UNC80: variants seen among roughly 807,000 people sequenced by gnomAD.
UNC80 encodes unc-80 subunit of NALCN channel complex, also known as protein unc-80 homolog.
A neutral mutation model predicts 384.6 loss-of-function variants in UNC80; 164 were observed. The ratio of observed to expected loss-of-function variants is 0.43; its 90% CI spans 0.38 to 0.49. UNC80 has a LOEUF of 0.49. Among genes scored for constraint, UNC80 ranks in the 20% least tolerant of loss-of-function variants. The pLI is 0.00. For missense variants in UNC80, 3,330 were observed against 4,143.0 expected (o/e 0.80, Z 5.39); for synonymous variants, 1,486 against 1,527.8 (o/e 0.97, Z 0.64).
intron 14 of UNC80, among the ~76,000 whole-genome samples, chr2:209,827,227 T>G (rs1157757636): frequency 6.6e-6 from 1 of 152,144 alleles, no homozygotes; most frequent in Non-Finnish European, 1.5e-5. Flanking sequence ...ATTTTTTATC[T>G]TTGATTTTAA....
chr2:209,972,306 G>C lies in UNC80; in HGVS notation c.8362G>C (p.Val2788Leu). Residue 2788 changes from valine to leucine, a missense_variant, in exon 55 of 65, where the codon GTA (valine) becomes CTA (leucine). Physicochemically the swap from Val to Leu is conservative, Grantham distance 32. Coordinates refer to ENST00000673920, the MANE Select transcript of UNC80 (RefSeq NM_001371986.1). ...TCTGCTCATCCCATTTGTGCTCACA[G>C]TAGGATCTGGAAGCAAAGGTCTGAT... ...LNLLIPFVLT[V>L]GSGSKDSPWL... 1 of 1,551,638 alleles carries C rather than the reference G, an allele frequency of 6.4e-7. No individual in the cohort carries two copies. The highest frequency in any genetic ancestry group is 8.7e-7 in the Non-Finnish European group (1 of 1,146,838).
chr2:209,865,349 T>A (rs1402676408), intron 22 of UNC80, among the ~76,000 whole-genome samples: 1 of 152,120 alleles, frequency 6.6e-6, no homozygotes, highest in African/African-American at 2.4e-5. Context: ...ATGCCTGTAA[T>A]CCCAGCACTT....
intron 7 of UNC80, among the ~76,000 whole-genome samples, chr2:209,805,985 A>T (rs914085361): frequency 6.6e-6 from 1 of 152,124 alleles, no homozygotes; most frequent in Admixed American, 6.5e-5. Flanking sequence ...TTCTGTACAT[A>T]TTTTTTCACA....
intron 21 of UNC80, among the ~76,000 whole-genome samples, chr2:209,845,649 A>C (rs1355615373): frequency 6.6e-6 from 1 of 152,322 alleles, no homozygotes; most frequent in South Asian, 2.1e-4. Context: ...ACAAAGCCAT[A>C]ATATTTGAGA....
intron 4 of UNC80, among the ~76,000 whole-genome samples, chr2:209,779,436 A>T (rs997854010): frequency 1.3e-5 from 2 of 152,194 alleles, no homozygotes; most frequent in African/African-American, 4.8e-5. Context: ...CACTTCAGAA[A>T]GTACTTCCCT....
At chr2:209,887,529 A>G (rs1431436404) in intron 25 of UNC80, among the ~76,000 whole-genome samples, 1 of 152,126 alleles carries the variant, frequency 6.6e-6, no homozygotes, top group Non-Finnish European at 1.5e-5. Context: ...CCTTGTTGCC[A>G]TGTAAGGCAA....
chr2:209,860,224 G>A (rs542324566), intron 22 of UNC80, among the ~76,000 whole-genome samples: 3 of 152,186 alleles, frequency 2.0e-5, no homozygotes, highest in Non-Finnish European at 4.4e-5. Flanking sequence ...TAAGGAAGGC[G>A]TCCAGTTTCA....
At chr2:209,982,638 C>T in intron 60 of UNC80, 1 of 208,176 alleles carries the variant, frequency 4.8e-6, no homozygotes, top group Non-Finnish European at 9.7e-6. Context: ...ATGATGGGTA[C>T]TTGGCAAGAG....
In UNC80 at chr2:209,881,150, T is replaced by C. The variant is rs1036398714; in HGVS notation, c.4110+56T>C. 113 of 1,506,078 alleles carry C rather than the reference T, an allele frequency of 7.5e-5. 1 individual carries two copies. The highest frequency in any genetic ancestry group is 1.2e-5 in the Non-Finnish European group (14 of 1,122,858). The allele number at this position is 1,506,078 out of a possible 1,614,324, so 93.3% of individuals were successfully genotyped here. Reference sequence around the variant, plus strand: ...GTTACTCGGAGAGGCCAGGCGTGTGTCTGGGTTTCCAAGATTCACAGTTTT... The same window carrying C: ...GTTACTCGGAGAGGCCAGGCGTGTGCCTGGGTTTCCAAGATTCACAGTTTT... On this transcript the variant is annotated intron_variant, in intron 25 of 64. Transcript: ENST00000673920.
At position 209,959,101 on chromosome 2, in the gene UNC80, T is replaced by C. The variant is rs1449805835; in HGVS notation, c.7551-18T>C. The C allele has an allele frequency of 1.9e-6, 3 of 1,551,710 alleles. No homozygotes were observed. The highest frequency in any genetic ancestry group is 2.0e-5 in the Admixed American group (1 of 50,996). The stretch of plus-strand genomic sequence containing the variant: ...TTCTTGCTCTAATAGTTATGTAGAC[T>C]GTTTTTCTGACTCCCAGGTACCAGG... On this transcript the variant is annotated intron_variant, in intron 49 of 64. Transcript: ENST00000673920.
chr2:209,842,509 AG>A, intron 21 of UNC80, 63 bp downstream of exon 21: 1 of 1,151,518 alleles, frequency 8.7e-7, no homozygotes, highest in Non-Finnish European at 1.2e-6. Flanking sequence ...AAACTTGATT[AG>A]ATTAAGTGGT....
At chr2:209,808,640 C>T (rs547983417) in intron 7 of UNC80, among the ~76,000 whole-genome samples, 41 of 152,142 alleles carry the variant, frequency 2.7e-4, no homozygotes, top group Non-Finnish European at 5.0e-4. Flanking sequence ...CCAATTGGCG[C>T]GAAAGTGATA....
In UNC80 at chr2:209,941,338, T is replaced by C; in HGVS notation, c.6764T>C (p.Phe2255Ser). The change falls in exon 44 of 65, where the codon TTC (phenylalanine) becomes TCC (serine). Residue 2255 changes from phenylalanine to serine, a missense_variant. Transcript: ENST00000673920. The part of the protein sequence containing the change: ...EFPWGDEIML[F>S]LNVFNGALIL... ...CCATGGGGAGACGAAATCATGCTTT[T>C]CCTCAACGTTTTTAACGGGGCTCTG... 6.4e-7 allele frequency: 1 copy of C among 1,551,178 alleles called. No homozygotes were observed. The highest frequency in any genetic ancestry group is 8.7e-7 in the Non-Finnish European group (1 of 1,146,628).
intron 42 of UNC80, 102 bp downstream of exon 42, chr2:209,937,732 C>A: frequency 2.3e-6 from 2 of 875,624 alleles, no homozygotes; most frequent in South Asian, 1.5e-5. Flanking sequence ...TCCATTTTGA[C>A]CCTCTCTGGA....
rs1416323003 is a variant in UNC80 at position 209,817,063 on chromosome 2, T to G, written c.1490T>G (p.Phe497Cys). 1 of 1,551,722 alleles carries G rather than the reference T, an allele frequency of 6.4e-7. No individual in the cohort carries two copies. Among genetic ancestry groups the G allele is most frequent in the Non-Finnish European group, 8.7e-7 (1 of 1,146,996 alleles). ...PTRSTFSFGS[F>C]SGLGEDRRGI... ...CGCAGCACATTCTCCTTTGGAAGTTTCTCTGGGCTGGGAGAAGACAGGCGA... is the reference window on the plus strand; with the variant it reads ...CGCAGCACATTCTCCTTTGGAAGTTGCTCTGGGCTGGGAGAAGACAGGCGA... Residue 497 changes from phenylalanine to cysteine, a missense_variant, in exon 10 of 65, where the codon TTC becomes TGC. Physicochemically the swap from Phe to Cys is radical, Grantham distance 205. This residue lies in a region of UNC80 where 937 missense variants were observed against 1,026.8 expected (regional missense o/e 0.91). Coordinates refer to ENST00000673920, the MANE Select transcript of UNC80 (RefSeq NM_001371986.1).
intron 13 of UNC80, among the ~76,000 whole-genome samples, chr2:209,822,327 A>C (rs2080194178): frequency 6.6e-6 from 1 of 152,202 alleles, no homozygotes; most frequent in African/African-American, 2.4e-5. Flanking sequence ...TATCTAAATA[A>C]TGGTATAGAT....
At position 209,959,644 on chromosome 2, in the gene UNC80, A is replaced by T. The variant is rs2092527775; in HGVS notation, c.7742A>T (p.Gln2581Leu). 1 of 1,551,594 alleles carries T rather than the reference A, an allele frequency of 6.4e-7. No homozygotes were observed. The highest frequency in any genetic ancestry group is 1.4e-5 in the African/African-American group (1 of 73,048). ...TGTGGGCCACGGCTGAAGATCTTGC[A>T]AAATCTGGCTGGGGAGCCTCGGGTC... Reference protein sequence around the residue: ...KHCGPRLKILQNLAGEPRVIA... With the variant: ...KHCGPRLKILLNLAGEPRVIA... Residue 2581 changes from glutamine to leucine, a missense_variant, in exon 51 of 65, where the codon CAA (glutamine) becomes CTA (leucine). Gln to Leu is a moderately radical substitution (Grantham distance 113, BLOSUM62 -2). Around this residue, in one of 8 missense-constraint regions of UNC80, gnomAD observed 1,049 missense variants for 1,488.6 expected, o/e 0.70. Coordinates refer to ENST00000673920, the MANE Select transcript of UNC80 (RefSeq NM_001371986.1).
At chr2:209,921,397 G>A in intron 33 of UNC80, 103 bp from the exon 34 acceptor site, 1 of 1,166,530 alleles carries the variant, frequency 8.6e-7, no homozygotes, top group Non-Finnish European at 1.2e-6. Flanking sequence ...AACATTTCCT[G>A]AGGACAAACT....
intron 22 of UNC80, among the ~76,000 whole-genome samples, chr2:209,856,100 C>G (rs1192979492): frequency 6.6e-6 from 1 of 151,998 alleles, no homozygotes; most frequent in Non-Finnish European, 1.5e-5. Context: ...ATAATGAAAA[C>G]TCCTGTTTCT....
Sources: gnomAD v4.1 joint callset for allele counts (sites outside exome capture counted in the v4.1 genomes callset) on GRCh38, gnomAD v4.1.1 for gene constraint, gnomAD v4.1.1 regional missense constraint, MANE v1.5 for transcripts, NCBI Gene and HGNC (gene_info 2026-07-23, HGNC 2026-07-21) for gene names.